The following EXOC1 variants were observed in gnomAD, a reference collection of about 807,000 sequenced individuals.
EXOC1 encodes exocyst complex component 1, also known as SEC3-like 1.
A neutral mutation model predicts 107.7 loss-of-function variants in EXOC1; 67 were observed. The ratio of observed to expected loss-of-function variants is 0.62; its 90% confidence interval spans 0.51 to 0.76. The LOEUF (loss-of-function observed/expected upper bound fraction) is 0.76. EXOC1 is among the 30% of genes least tolerant of loss of function. EXOC1 has a pLI of 0.00. For missense variants in EXOC1, 833 were observed against 1,055.7 expected, an observed-to-expected ratio of 0.79 and a Z score of 2.92; for synonymous variants, 348 against 353.5, an observed-to-expected ratio of 0.98 and a Z score of 0.17.
chr4:55,901,306 T>C (rs1028697870), intron 17 of EXOC1, among the ~76,000 whole-genome samples: 2 of 152,180 alleles, frequency 1.3e-5, no homozygotes, highest in African/African-American at 2.4e-5. Flanking sequence ...TAAGAGCTTA[T>C]GTAAAAACAA....
At chr4:55,857,162 T>TTTTTC (rs1721053984) in intron 1 of EXOC1, among the ~76,000 whole-genome samples, 1 of 140,702 alleles carries the variant, frequency 7.1e-6, no homozygotes, top group African/African-American at 2.7e-5. Flanking sequence ...TTCATTTCCT[T>TTTTTC]TTTTTCTTTT....
intron 9 of EXOC1, among the ~76,000 whole-genome samples, chr4:55,879,955 T>C (rs1454268574): frequency 6.6e-6 from 1 of 152,142 alleles, no homozygotes; most frequent in Non-Finnish European, 1.5e-5. Context: ...GAAATAATGA[T>C]ATGTTTTGTC....
intron 1 of EXOC1, among the ~76,000 whole-genome samples, chr4:55,856,524 G>GT (rs1435148559): frequency 2.0e-5 from 3 of 152,180 alleles, no homozygotes; most frequent in African/African-American, 7.2e-5. Flanking sequence ...GGAAAGACTT[G>GT]TTTTACAAAA....
chr4:55,900,370 T>C (rs1725756524), intron 17 of EXOC1, among the ~76,000 whole-genome samples: 1 of 152,194 alleles, frequency 6.6e-6, no homozygotes, highest in African/African-American at 2.4e-5. Flanking sequence ...ATTATTAAGA[T>C]AAAAGAAAAA....
At chr4:55,888,719 G>C (rs979870967) in intron 10 of EXOC1, 169 bp from the exon 11 acceptor site, 1 of 613,608 alleles carries the variant, frequency 1.6e-6, no homozygotes, top group Non-Finnish European at 2.9e-6. Context: ...TTCTCAAACA[G>C]TAGGTGACCA....
chr4:55,873,510 G>A (rs1023078840), intron 8 of EXOC1, among the ~76,000 whole-genome samples: 2 of 152,142 alleles, frequency 1.3e-5, no homozygotes. Flanking sequence ...ATACCAGCCA[G>A]TAAACAATAG....
At chr4:55,876,948 C>T (rs1233991596) in intron 8 of EXOC1, 1 of 985,286 alleles carries the variant, frequency 1.0e-6, no homozygotes. Context: ...ATGTCTTATA[C>T]TCCCATCTTT....
Position 55,868,506 on chromosome 4 carries a change from C to T in EXOC1, c.586C>T (p.Leu196=), listed in dbSNP as rs1436203298. The part of the protein sequence containing the change: ...EAFAEKLSRE[L]QVLDGANIQS... ...CTTTGCAGAAAAATTGTCCAGAGAG[C>T]TGCAGGTGCTAGATGGGGTAAGACT... The change falls in exon 5 of 19, where the codon CTG becomes TTG. Residue 196 remains leucine, a synonymous_variant. Coordinates refer to ENST00000381295, the MANE Select transcript of EXOC1 (RefSeq NM_001024924.2). 6.2e-7 allele frequency: 1 copy of T among 1,613,214 alleles called. No individual in the cohort carries two copies. The highest frequency in any genetic ancestry group is 2.2e-5 in the East Asian group (1 of 44,868).
intron 4 of EXOC1, among the ~76,000 whole-genome samples, chr4:55,865,571 G>C (rs1721881866): frequency 6.6e-6 from 1 of 152,120 alleles, no homozygotes. Context: ...GCTTCGAATG[G>C]CTTTTATTTT....
Position 55,902,517 on chromosome 4 carries a change from T to C in EXOC1, c.2511T>C (p.Cys837=). 1.3e-6 allele frequency: 2 copies of C among 1,542,468 alleles called. No homozygotes were observed. Among genetic ancestry groups the C allele is most frequent in the Non-Finnish European group, 1.7e-6 (2 of 1,152,096 alleles). The change falls in exon 18 of 19, where the codon TGT becomes TGC. Residue 837 remains cysteine, a synonymous_variant. Transcript: ENST00000381295. ...ACAAGAAAGTTGATAAACATTTATGTGAAGAAGAGAACTTACTTCAGGTAT... is the reference window on the plus strand; with the variant it reads ...ACAAGAAAGTTGATAAACATTTATGCGAAGAAGAGAACTTACTTCAGGTAT... ...NLYKKVDKHL[C]EEENLLQVVW...
intron 10 of EXOC1, among the ~76,000 whole-genome samples, chr4:55,884,876 T>C (rs1230979683): frequency 6.6e-6 from 1 of 152,200 alleles, no homozygotes; most frequent in African/African-American, 2.4e-5. Context: ...TAATGGGTAA[T>C]TATTCTGTAA....
chr4:55,883,798 A>T, intron 9 of EXOC1, 25 bp from the exon 10 acceptor site: 1 of 1,389,302 alleles, frequency 7.2e-7, no homozygotes, highest in Non-Finnish European at 9.9e-7. Context: ...TATTAATAAG[A>T]AGTACATGTT....
At chr4:55,864,439 A>G in intron 4 of EXOC1, 53 bp downstream of exon 4, 1 of 1,406,482 alleles carries the variant, frequency 7.1e-7, no homozygotes, top group Non-Finnish European at 9.7e-7. Context: ...TTAAGTGAAT[A>G]TATAATTTGA....
chr4:55,857,105 A>G (rs535410345), intron 1 of EXOC1, among the ~76,000 whole-genome samples: 1 of 149,464 alleles, frequency 6.7e-6, no homozygotes, highest in East Asian at 2.0e-4. Flanking sequence ...CCTTTCACTT[A>G]GCATAATCTT....
intron 10 of EXOC1, among the ~76,000 whole-genome samples, 167 bp downstream of exon 10, chr4:55,884,095 G>A (rs1005977990): frequency 6.6e-6 from 1 of 152,186 alleles, no homozygotes; most frequent in Non-Finnish European, 1.5e-5. Context: ...GAACAAATAT[G>A]TATATCTGTA....
Position 55,877,975 on chromosome 4 carries a change from A to G in EXOC1, c.1133A>G (p.His378Arg), listed in dbSNP as rs777546969. 3 of 1,613,884 alleles carry G rather than the reference A, an allele frequency of 1.9e-6. 1 individual carries two copies. The South Asian group carries it at 3.3e-5, about 18-fold the overall frequency. ...TCTGTTGAACTGACTTTACCCAATC[A>G]TCATCCATTTCATAGAGATTTGCTC... The part of the protein sequence containing the change: ...QHSVELTLPN[H>R]HPFHRDLLRY... Residue 378 changes from histidine (H) to arginine (R), a missense_variant, in exon 9 of 19, where the codon CAT becomes CGT. His to Arg is a conservative substitution (Grantham distance 29). This residue lies in a region of EXOC1 where 617 missense variants were observed against 701.3 expected (regional missense o/e 0.88). Coordinates refer to ENST00000381295, the MANE Select transcript of EXOC1 (RefSeq NM_001024924.2).
Position 55,864,382 on chromosome 4 carries a change from G to T in EXOC1, c.411G>T (p.Leu137Phe). 3.1e-6 allele frequency: 5 copies of T among 1,601,298 alleles called. No individual in the cohort carries two copies. Among genetic ancestry groups the T allele is most frequent in the Non-Finnish European group, 4.3e-6 (5 of 1,175,738 alleles). The change falls in exon 4 of 19, where the codon TTG becomes TTT. Residue 137 changes from leucine to phenylalanine, a missense_variant. Leu to Phe is a conservative substitution (Grantham distance 22). Transcript: ENST00000381295. ...IDFVNVSSQLLEESVPSGENQ... is the reference protein window; with the variant it reads ...IDFVNVSSQLFEESVPSGENQ... ...TTGTCAATGTTAGCTCACAGCTTTT[G>T]GAAGGTAAAGTTAAATAAAAATGTA...
chr4:55,856,843 T>G (rs1721014415), intron 1 of EXOC1, among the ~76,000 whole-genome samples: 1 of 152,202 alleles, frequency 6.6e-6, no homozygotes, highest in East Asian at 1.9e-4. Context: ...TCATAAAATT[T>G]ACCCTTTTCA....
chr4:55,902,545 T>G lies in EXOC1; in HGVS notation c.2532+7T>G. On this transcript the variant is annotated splice_region_variant and intron_variant, in intron 18 of 18. Coordinates refer to ENST00000381295, the MANE Select transcript of EXOC1 (RefSeq NM_001024924.2). ...AGAAGAGAACTTACTTCAGGTATGC[T>G]TACTTCTTTTGACCATCTGACTTAA... 1 of 1,464,802 alleles carries G rather than the reference T, an allele frequency of 6.8e-7. No homozygotes were observed. The highest frequency in any genetic ancestry group is 9.0e-7 in the Non-Finnish European group (1 of 1,111,164). 90.7% of individuals were successfully genotyped at this position (1,464,802 alleles called of 1,614,324 possible). A position where few individuals can be genotyped will look rare whatever the true frequency, so the allele number is the denominator to read the frequency against.
Sources: allele counts gnomAD v4.1 joint callset (sites outside exome capture counted in the v4.1 genomes callset), GRCh38; gene constraint gnomAD v4.1.1; regional missense constraint gnomAD v4.1.1; transcripts MANE v1.5; gene names NCBI Gene and HGNC (gene_info 2026-07-23, HGNC 2026-07-21).